The following ZBTB49 variants were observed in gnomAD, a reference collection of about 807,000 sequenced individuals.
ZBTB49 encodes the protein zinc finger and BTB domain-containing protein 49.
A neutral mutation model predicts 57.5 loss-of-function variants in ZBTB49; 43 were observed. The observed-to-expected ratio is 0.75, with a 90% CI of 0.59 to 0.97. ZBTB49 has a LOEUF of 0.97. Ranked by LOEUF, ZBTB49 falls within the 50% of genes least tolerant of loss-of-function variation. The pLI is 0.00. For missense variants in ZBTB49, 938 were observed against 947.7 expected, an observed-to-expected ratio of 0.99 and a Z score of 0.13; for synonymous variants, 369 against 362.1, an observed-to-expected ratio of 1.02 and a Z score of -0.22.
intron 1 of ZBTB49, among the ~76,000 whole-genome samples, chr4:4,293,947 G>A (rs11729435): frequency 6.6e-6 from 1 of 152,232 alleles, no homozygotes; most frequent in African/African-American, 2.4e-5. Context: ...AGGAGACCTA[G>A]ACTCCACTAC....
chr4:4,306,802 A>G (rs1356138598), intron 4 of ZBTB49, among the ~76,000 whole-genome samples: 1 of 152,230 alleles, frequency 6.6e-6, no homozygotes, highest in Non-Finnish European at 1.5e-5. Context: ...AACAGAAGGT[A>G]ACTATTCACC....
At chr4:4,314,849 A>G (rs912197788) in intron 5 of ZBTB49, among the ~76,000 whole-genome samples, 1 of 152,254 alleles carries the variant, frequency 6.6e-6, no homozygotes, top group Non-Finnish European at 1.5e-5. Flanking sequence ...CCATCTGGAA[A>G]GTGGAGGTGA....
intron 3 of ZBTB49, among the ~76,000 whole-genome samples, chr4:4,304,319 G>A (rs1720646993): frequency 6.6e-6 from 1 of 151,528 alleles, no homozygotes; most frequent in Admixed American, 6.6e-5. Context: ...TCTGCCTCCT[G>A]GGTTCAATTG....
chr4:4,292,246 A>C (rs540025619), intron 1 of ZBTB49, among the ~76,000 whole-genome samples: 1 of 152,254 alleles, frequency 6.6e-6, no homozygotes, highest in East Asian at 1.9e-4. Context: ...ACACCACTCC[A>C]CTCCAGCCTG....
Position 4,321,605 on chromosome 4 carries a change from C to T in ZBTB49, c.*289C>T, listed in dbSNP as rs1368464751. On this transcript the variant is annotated 3_prime_UTR_variant, in exon 8 of 8. Coordinates refer to ENST00000337872, the MANE Select transcript of ZBTB49 (RefSeq NM_145291.4). Reference sequence around the variant, plus strand: ...CTGTGGGGGGGAAGCGCGTGTGCATCGTGTCAACTACTGTACATGTTGGTC... The same window carrying T: ...CTGTGGGGGGGAAGCGCGTGTGCATTGTGTCAACTACTGTACATGTTGGTC... 3.3e-5 allele frequency: 16 copies of T among 477,870 alleles called. No homozygotes were observed. The highest frequency in any genetic ancestry group is 7.8e-5 in the East Asian group (2 of 25,580). The allele number at this position is 477,870 out of a possible 1,614,324, so 29.6% of individuals were successfully genotyped here. A position where few individuals can be genotyped will look rare whatever the true frequency, so the allele number is the denominator to read the frequency against.
intron 3 of ZBTB49, 88 bp downstream of exon 3, chr4:4,303,179 T>G: frequency 7.1e-7 from 1 of 1,404,510 alleles, no homozygotes; most frequent in Non-Finnish European, 9.4e-7. Flanking sequence ...TGTAAGAAGT[T>G]TTGCTGTTGT....
At chr4:4,301,135 T>C (rs189020297) in intron 2 of ZBTB49, among the ~76,000 whole-genome samples, 1 of 152,324 alleles carries the variant, frequency 6.6e-6, no homozygotes, top group Admixed American at 6.5e-5. Context: ...AATTTTGATA[T>C]TGTGATACAC....
At chr4:4,296,514 C>T (rs1354054204) in intron 1 of ZBTB49, among the ~76,000 whole-genome samples, 1 of 152,208 alleles carries the variant, frequency 6.6e-6, no homozygotes, top group African/African-American at 2.4e-5. Context: ...CCATGTAGGA[C>T]ATGACTTGCT....
intron 5 of ZBTB49, among the ~76,000 whole-genome samples, chr4:4,313,368 A>G (rs527950737): frequency 3.3e-5 from 5 of 152,386 alleles, no homozygotes; most frequent in Non-Finnish European, 7.3e-5. Context: ...TTTAAATGCA[A>G]CAAAATTATT....
intron 5 of ZBTB49, 80 bp from the exon 6 acceptor site, chr4:4,315,556 C>T (rs1721155238): frequency 7.3e-7 from 1 of 1,378,538 alleles, no homozygotes; most frequent in East Asian, 2.4e-5. Flanking sequence ...GCAGGTATCT[C>T]CTCCCTCAGA....
At chr4:4,314,014 C>T (rs1248865378) in intron 5 of ZBTB49, among the ~76,000 whole-genome samples, 2 of 152,160 alleles carry the variant, frequency 1.3e-5, no homozygotes, top group African/African-American at 2.4e-5. Context: ...GAGATAGTCA[C>T]GGGGTCAGTT....
chr4:4,294,712 A>G (rs542680195), intron 1 of ZBTB49, among the ~76,000 whole-genome samples: 1 of 152,080 alleles, frequency 6.6e-6, no homozygotes, highest in South Asian at 2.1e-4. Flanking sequence ...TAGCATCATA[A>G]CTCTGGGGGT....
intron 4 of ZBTB49, among the ~76,000 whole-genome samples, chr4:4,311,648 TGTTA>T (rs905665712): frequency 3.3e-5 from 5 of 152,200 alleles, no homozygotes; most frequent in African/African-American, 1.2e-4. Context: ...CTGAATACAG[TGTTA>T]GTTGTATTAT....
Position 4,315,879 on chromosome 4 carries a change from TGA to T in ZBTB49, c.1532_1533del (p.Glu511ValfsTer6), listed in dbSNP as rs1265653292. 3 of 1,614,198 alleles carry T rather than the reference TGA, an allele frequency of 1.9e-6. No homozygotes were observed. The highest frequency in any genetic ancestry group is 4.5e-5 in the East Asian group (2 of 44,888). ...HTADKVFTCD[E>X]CGKSFNMQRK... ...CGGCTGATAAAGTCTTCACCTGTGA[TGA>T]GTGTGGAAAGTCTTTTAATATGCAA... On this transcript the variant is annotated frameshift_variant, in exon 7 of 8. Coordinates refer to ENST00000337872, the MANE Select transcript of ZBTB49 (RefSeq NM_145291.4). LOFTEE classifies it high-confidence loss of function.
In ZBTB49 at chr4:4,302,406, C is replaced by T; in HGVS notation, c.570C>T (p.Ile190=). 6.2e-7 allele frequency: 1 copy of T among 1,614,234 alleles called. No individual in the cohort carries two copies. Among genetic ancestry groups the T allele is most frequent in the Non-Finnish European group, 8.5e-7 (1 of 1,180,038 alleles). Reference sequence around the variant, plus strand: ...ATCGTCATCACTCCGCAGGTGAAATCTCAAAACAAGCTCCTGATACTTCAG... The same window carrying T: ...ATCGTCATCACTCCGCAGGTGAAATTTCAAAACAAGCTCCTGATACTTCAG... ...SVNRHHSAGE[I]SKQAPDTSDG... Residue 190 remains isoleucine (I), a synonymous_variant, in exon 3 of 8, where the codon ATC becomes ATT. Transcript: ENST00000337872.
At chr4:4,293,274 A>G (rs1246882682) in intron 1 of ZBTB49, among the ~76,000 whole-genome samples, 1 of 145,116 alleles carries the variant, frequency 6.9e-6, no homozygotes, top group African/African-American at 2.9e-5. Context: ...AAGATGGAAG[A>G]GAACCTTCTG....
chr4:4,316,305 C>T (rs929254210), intron 7 of ZBTB49, among the ~76,000 whole-genome samples: 9 of 152,244 alleles, frequency 5.9e-5, no homozygotes, highest in Admixed American at 2.6e-4. Context: ...AGGAGAGCAG[C>T]GGTCCCGCCA....
chr4:4,307,116 C>G (rs1720769164), intron 4 of ZBTB49, among the ~76,000 whole-genome samples: 1 of 152,262 alleles, frequency 6.6e-6, no homozygotes, highest in African/African-American at 2.4e-5. Flanking sequence ...TCTTCACCCT[C>G]CCACTCTCTG....
At chr4:4,299,784 T>G in intron 1 of ZBTB49, 143 bp from the exon 2 acceptor site, 2 of 653,926 alleles carry the variant, frequency 3.1e-6, no homozygotes, top group Non-Finnish European at 5.1e-6. Context: ...GAGGTGTGTG[T>G]GTGTGTGTGT....
Sources: gnomAD v4.1 joint callset for allele counts (sites outside exome capture counted in the v4.1 genomes callset) on GRCh38, gnomAD v4.1.1 for gene constraint, MANE v1.5 for transcripts, NCBI Gene and HGNC (gene_info 2026-07-23, HGNC 2026-07-21) for gene names.